Variants in ACSL1 observed in about 807,000 individuals in gnomAD.
ACSL1 encodes acyl-CoA synthetase long chain family member 1.
ACSL1 carries 41 observed loss-of-function variants against 98.4 expected under a neutral mutation model. That is an observed-to-expected ratio of 0.42 (90% CI 0.32 to 0.54). ACSL1 has a LOEUF of 0.54. ACSL1 is among the 20% of genes least tolerant of loss of function. The pLI, the probability that ACSL1 is intolerant of heterozygous loss-of-function variation, is 0.13. For missense variants in ACSL1, 734 were observed against 883.1 expected, an observed-to-expected ratio of 0.83 and a Z score of 2.14; for synonymous variants, 316 against 322.7, an observed-to-expected ratio of 0.98 and a Z score of 0.22.
At chr4:184,812,278 T>C (rs1772198712) in intron 1 of ACSL1, 1 of 962,300 alleles carries the variant, frequency 1.0e-6, no homozygotes, top group Non-Finnish European at 1.2e-6. Flanking sequence ...GACAGGTGCT[T>C]AACAAACATC....
At position 184,825,868 on chromosome 4, in the gene ACSL1, G is replaced by T. The variant is rs1427699636; in HGVS notation, c.-33+48C>A. 1 of 148,718 alleles carries T rather than the reference G, an allele frequency of 6.7e-6. No individual in the cohort carries two copies. The highest frequency in any genetic ancestry group is 1.5e-5 in the Non-Finnish European group (1 of 66,624). The allele number at this position is 148,718 out of a possible 1,614,324, so 9.2% of individuals were successfully genotyped here. On this transcript the variant is annotated intron_variant, in intron 1 of 20. Coordinates refer to ENST00000281455, the MANE Select transcript of ACSL1 (RefSeq NM_001995.5). This position sits in a 1 kb window ranked among gnomAD's most constrained non-coding sequence, Gnocchi z 4.7. Reference sequence around the variant, plus strand: ...CAGCCGGCGCCTCGGCCGGGGCCCGGGCACCGCCGCGGGAGCAGGCGCGGC... The same window carrying T: ...CAGCCGGCGCCTCGGCCGGGGCCCGTGCACCGCCGCGGGAGCAGGCGCGGC...
At position 184,766,813 on chromosome 4, in the gene ACSL1, G is replaced by A; in HGVS notation, c.1129-57C>T. 1 of 1,553,382 alleles carries A rather than the reference G, an allele frequency of 6.4e-7. No homozygotes were observed. The highest frequency in any genetic ancestry group is 8.8e-7 in the Non-Finnish European group (1 of 1,139,040). Reference sequence around the variant, plus strand: ...ACCTACTAGGATGGCCAGAGTCAAAGAGTGTGGAGAAATCAGAACCCTCAC... The same window carrying A: ...ACCTACTAGGATGGCCAGAGTCAAAAAGTGTGGAGAAATCAGAACCCTCAC... On this transcript the variant is annotated intron_variant, in intron 12 of 20. Coordinates refer to ENST00000281455, the MANE Select transcript of ACSL1 (RefSeq NM_001995.5). This position sits in a 1 kb window ranked among gnomAD's most constrained non-coding sequence, Gnocchi z 4.8.
chr4:184,796,955 T>C (rs59612892), intron 2 of ACSL1, among the ~76,000 whole-genome samples: 15,398 of 152,268 alleles, frequency 0.1, 947 homozygotes, highest in Non-Finnish European at 0.14. Flanking sequence ...TCTATTGCCC[T>C]GCCTTGCAAC....
chr4:184,785,606 CGGGGGGGGGG>C (rs796880571), intron 3 of ACSL1, among the ~76,000 whole-genome samples: 4 of 6,414 alleles, frequency 6.2e-4, no homozygotes, highest in African/African-American at 1.4e-3. Flanking sequence ...TGGGCGGGGG[CGGGGGGGGGG>C]GGGGGAAGGA....
At chr4:184,792,214 T>C (rs984908018) in intron 2 of ACSL1, among the ~76,000 whole-genome samples, 1 of 152,008 alleles carries the variant, frequency 6.6e-6, no homozygotes, top group Non-Finnish European at 1.5e-5. Context: ...ATTAGAATAA[T>C]GAGAAAAGCT....
intron 17 of ACSL1, among the ~76,000 whole-genome samples, chr4:184,760,874 G>A (rs1307868619): frequency 6.6e-6 from 1 of 152,236 alleles, no homozygotes; most frequent in Non-Finnish European, 1.5e-5. Context: ...CTTAATAGCA[G>A]GAACACAACT....
intron 2 of ACSL1, among the ~76,000 whole-genome samples, chr4:184,795,663 G>A (rs1320680291): frequency 6.6e-6 from 1 of 152,142 alleles, no homozygotes; most frequent in Non-Finnish European, 1.5e-5. Flanking sequence ...CTCATTACCA[G>A]CTCTAACACT....
Position 184,764,924 on chromosome 4 carries a change from A to G in ACSL1, c.1361T>C (p.Phe454Ser). The G allele has an allele frequency of 6.2e-7, 1 of 1,613,634 alleles. No homozygotes were observed. The highest frequency in any genetic ancestry group is 1.1e-5 in the South Asian group (1 of 91,014). ...CTCTGTCTGTCCGTATCCTTCATAA[A>G]ACTGGGGCACCAAGAGATGCAACAT... ...TFLRAALGCQ[F>S]YEGYGQTECT... The change falls in exon 15 of 21, where the codon TTT becomes TCT. Residue 454 changes from phenylalanine (F) to serine (S), a missense_variant and splice_region_variant. Transcript: ENST00000281455.
chr4:184,766,557 C>T lies in ACSL1; in HGVS notation c.1263+65G>A. The T allele has an allele frequency of 6.4e-7, 1 of 1,557,870 alleles. No individual in the cohort carries two copies. The highest frequency in any genetic ancestry group is 8.7e-7 in the Non-Finnish European group (1 of 1,147,742). On this transcript the variant is annotated intron_variant, in intron 13 of 20. Transcript: ENST00000281455. The surrounding 1 kb of genome is among the most constrained non-coding windows in gnomAD (Gnocchi z 4.8). ...CATCTCTCCCTCTCACAAAAAAGGC[C>T]CTCCCAGAACTCTGAAAAGCGAAGT...
Position 184,757,697 on chromosome 4 carries a change from T to C in ACSL1, c.1894A>G (p.Lys632Glu). The change falls in exon 20 of 21, where the codon AAA becomes GAA. Residue 632 changes from lysine to glutamate, a missense_variant. Transcript: ENST00000281455. This position sits in a 1 kb window ranked among gnomAD's most constrained non-coding sequence, Gnocchi z 4.5. ...CTCACCATATCTTCGAGGATAGCTTTTTTGACATCCTAAAAGGGTAAGAAA... is the reference window on the plus strand; with the variant it reads ...CTCACCATATCTTCGAGGATAGCTTCTTTGACATCCTAAAAGGGTAAGAAA... ...EELCRNKDVK[K>E]AILEDMVRLG... 1.2e-6 allele frequency: 2 copies of C among 1,614,102 alleles called. No individual in the cohort carries two copies. Among genetic ancestry groups the C allele is most frequent in the Non-Finnish European group, 1.7e-6 (2 of 1,179,978 alleles).
At chr4:184,789,175 A>T (rs577191816) in intron 2 of ACSL1, among the ~76,000 whole-genome samples, 2 of 152,368 alleles carry the variant, frequency 1.3e-5, no homozygotes, top group African/African-American at 4.8e-5. Flanking sequence ...ATTCGCCTGG[A>T]GGTAAACACA....
intron 1 of ACSL1, among the ~76,000 whole-genome samples, chr4:184,810,388 G>A (rs956011990): frequency 2.0e-5 from 3 of 152,206 alleles, no homozygotes; most frequent in African/African-American, 4.8e-5. Context: ...AACTAGGAAG[G>A]CTGAAGGAGA....
chr4:184,783,982 G>A lies in ACSL1; in HGVS notation c.320C>T (p.Pro107Leu), dbSNP rs1766772389. 1 of 1,613,234 alleles carries A rather than the reference G, an allele frequency of 6.2e-7. No homozygotes were observed. The highest frequency in any genetic ancestry group is 8.5e-7 in the Non-Finnish European group (1 of 1,179,590). The change falls in exon 4 of 21, where the codon CCT becomes CTT. Residue 107 changes from proline to leucine, a missense_variant. Coordinates refer to ENST00000281455, the MANE Select transcript of ACSL1 (RefSeq NM_001995.5). ...QRGIQVSNNG[P>L]CLGSRKPDQP... ...GTCTGGTTTCCGAGAGCCTAAACAA[G>A]GGCCATTATCTAAAAAAAGAGAAAA...
intron 15 of ACSL1, 134 bp downstream of exon 15, chr4:184,764,719 A>G (rs972431030): frequency 7.9e-6 from 6 of 763,384 alleles, no homozygotes; most frequent in Admixed American, 3.1e-5. Context: ...TTGCCCCCAG[A>G]GCCTAATGAT....
chr4:184,821,847 T>C (rs1232765434), intron 1 of ACSL1, among the ~76,000 whole-genome samples: 2 of 152,226 alleles, frequency 1.3e-5, no homozygotes, highest in African/African-American at 4.8e-5. Context: ...ATTGTAATCT[T>C]TAATTAACAA....
rs1003712024 is a variant in ACSL1 at position 184,825,043 on chromosome 4, A to C, written c.-33+873T>G. 1 of 320,198 alleles carries C rather than the reference A, an allele frequency of 3.1e-6. No individual in the cohort carries two copies. The highest frequency in any genetic ancestry group is 2.2e-5 in the African/African-American group (1 of 44,538). The allele number at this position is 320,198 out of a possible 1,614,324, so 19.8% of individuals were successfully genotyped here. On this transcript the variant is annotated intron_variant, in intron 1 of 20. Transcript: ENST00000281455. This position sits in a 1 kb window ranked among gnomAD's most constrained non-coding sequence, Gnocchi z 4.7. ...CGGGACTTTAGACACTCCTGCACCAAGAAGCTTAAAAGTCTTAGCCAGGGC... is the reference window on the plus strand; with the variant it reads ...CGGGACTTTAGACACTCCTGCACCACGAAGCTTAAAAGTCTTAGCCAGGGC...
intron 2 of ACSL1, among the ~76,000 whole-genome samples, chr4:184,800,336 C>T (rs1455741683): frequency 1.3e-5 from 2 of 152,124 alleles, no homozygotes; most frequent in Admixed American, 6.5e-5. Context: ...GGTCCCTTTC[C>T]GCTCCAACAT....
rs763147009 is a variant in ACSL1 at position 184,764,848 on chromosome 4, C to T, written c.1432+5G>A. On this transcript the variant is annotated splice_donor_5th_base_variant and intron_variant, in intron 15 of 20. Coordinates refer to ENST00000281455, the MANE Select transcript of ACSL1 (RefSeq NM_001995.5). The stretch of plus-strand genomic sequence containing the variant: ...ATTCCAAAAAGGAGCCTCCTACAGC[C>T]ATACCTGCGGTCCAGTCTCCAGGCA... 6.2e-7 allele frequency: 1 copy of T among 1,612,854 alleles called. No individual in the cohort carries two copies. Among genetic ancestry groups the T allele is most frequent in the Admixed American group, 1.7e-5 (1 of 59,682 alleles).
intron 1 of ACSL1, chr4:184,812,262 G>A (rs1180952507): frequency 1.0e-6 from 1 of 982,816 alleles, no homozygotes; most frequent in Non-Finnish European, 1.2e-6. Context: ...ACAGTCCCGA[G>A]CCAAGGACAG....
Sources: gnomAD v4.1 joint callset for allele counts (sites outside exome capture counted in the v4.1 genomes callset) on GRCh38, gnomAD v4.1.1 for gene constraint, Gnocchi (gnomAD v3.1) non-coding constraint, MANE v1.5 for transcripts, NCBI Gene and HGNC (gene_info 2026-07-23, HGNC 2026-07-21) for gene names.